The following BEAN1 variants were observed in gnomAD, a reference collection of about 807,000 sequenced individuals.
The protein encoded by BEAN1 is protein BEAN1.
Under a neutral mutation model 17.7 loss-of-function variants are expected in BEAN1, and 17 were observed. The ratio of observed to expected loss-of-function variants is 0.96; its 90% CI spans 0.66 to 1.44. BEAN1 has a LOEUF of 1.44. BEAN1 is among the 40% of genes most tolerant of loss of function. The pLI, the probability that BEAN1 is intolerant of heterozygous loss-of-function variation, is 0.00. For synonymous variants in BEAN1, 142 were observed against 151.8 expected, an observed-to-expected ratio of 0.94 and a Z score of 0.47; for missense variants, 359 against 374.1, an observed-to-expected ratio of 0.96 and a Z score of 0.33.
At chr16:66,487,447 A>C (rs1964104516), downstream of BEAN1, among the ~76,000 whole-genome samples, 1 of 152,132 alleles carries the variant, frequency 6.6e-6, no homozygotes, top group Non-Finnish European at 1.5e-5. Flanking sequence ...AGGAGGGTTT[A>C]TGGGGTAATC....
At chr16:66,484,605 A>T (rs985317761), downstream of BEAN1, 25 of 454,136 alleles carry the variant, frequency 5.5e-5, no homozygotes, top group Admixed American at 5.4e-4. This position sits in a 1 kb window ranked among gnomAD's most constrained non-coding sequence, Gnocchi z 4.2. Context: ...CAGGGGCCCC[A>T]GGGCCAGACC....
At chr16:66,459,474 C>A (rs927540451) in intron 2 of BEAN1, among the ~76,000 whole-genome samples, 1 of 152,162 alleles carries the variant, frequency 6.6e-6, no homozygotes, top group African/African-American at 2.4e-5. Flanking sequence ...CACCTGCCAC[C>A]ATGCAAGGCT....
chr16:66,481,936 G>C lies in BEAN1; in HGVS notation c.*1011G>C, dbSNP rs1377158378. On this transcript the variant is annotated 3_prime_UTR_variant, in exon 5 of 5. Coordinates refer to ENST00000536005, the MANE Select transcript of BEAN1 (RefSeq NM_001178020.3). The surrounding 1 kb of genome is among the most constrained non-coding windows in gnomAD (Gnocchi z 4.1). Reference sequence around the variant, plus strand: ...GTGGCTGCTCATAGCTGGGGATGGTGAGTGGCTGTGTTCTGGCCTTGCCCA... The same window carrying C: ...GTGGCTGCTCATAGCTGGGGATGGTCAGTGGCTGTGTTCTGGCCTTGCCCA... The C allele has an allele frequency of 6.5e-6, 1 of 152,726 alleles. No individual in the cohort carries two copies. Among genetic ancestry groups the C allele is most frequent in the African/African-American group, 2.4e-5 (1 of 41,460 alleles). The allele number at this position is 152,726 out of a possible 1,614,324, so 9.5% of individuals were successfully genotyped here.
At chr16:66,464,342 T>A (rs939948739) in intron 2 of BEAN1, among the ~76,000 whole-genome samples, 1 of 146,816 alleles carries the variant, frequency 6.8e-6, no homozygotes, top group African/African-American at 2.5e-5. Context: ...AAGTTTTGTA[T>A]TTTTTTTTTT....
chr16:66,440,588 C>T (rs570190844), intron 2 of BEAN1, among the ~76,000 whole-genome samples: 4 of 152,352 alleles, frequency 2.6e-5, no homozygotes, highest in Non-Finnish European at 5.9e-5. Context: ...CCTGCACCTG[C>T]CCTGGGATGC....
intron 2 of BEAN1, among the ~76,000 whole-genome samples, chr16:66,469,111 G>A (rs895091134): frequency 6.6e-6 from 1 of 152,152 alleles, no homozygotes; most frequent in African/African-American, 2.4e-5. Flanking sequence ...ACGCATCTGG[G>A]TCAATTTCAG....
intron 4 of BEAN1, among the ~76,000 whole-genome samples, chr16:66,488,113 G>A (rs1246947965): frequency 6.6e-6 from 1 of 152,006 alleles, no homozygotes; most frequent in African/African-American, 2.4e-5. Context: ...AGAGTGGCTG[G>A]CAGTTCACAG....
chr16:66,435,895 AGT>A (rs949894088), intron 1 of BEAN1, among the ~76,000 whole-genome samples: 31 of 152,148 alleles, frequency 2.0e-4, no homozygotes, highest in African/African-American at 7.2e-4. Context: ...AATTCTTGGC[AGT>A]GTTTTGCCTC....
chr16:66,490,173 G>C (rs995351467), intron 4 of BEAN1, among the ~76,000 whole-genome samples: 1 of 141,606 alleles, frequency 7.1e-6, no homozygotes, highest in African/African-American at 2.7e-5. Flanking sequence ...CTCAGGTCAG[G>C]AGTTTGAGAT....
intron 1 of BEAN1, among the ~76,000 whole-genome samples, chr16:66,436,266 C>CTTTTTTT (rs560577711): frequency 2.8e-4 from 34 of 120,602 alleles, no homozygotes; most frequent in South Asian, 5.7e-4. Flanking sequence ...TTTTTCTTTT[C>CTTTTTTT]TTTTTTTTTT....
intron 4 of BEAN1, 23 bp downstream of exon 4, chr16:66,477,733 G>A (rs1201625855): frequency 6.6e-7 from 1 of 1,523,462 alleles, no homozygotes; most frequent in African/African-American, 1.4e-5. Flanking sequence ...CATGGGGAAG[G>A]GGGCATCAGA....
intron 1 of BEAN1, among the ~76,000 whole-genome samples, chr16:66,428,704 G>A (rs1961677091): frequency 6.6e-6 from 1 of 152,170 alleles, no homozygotes; most frequent in Non-Finnish European, 1.5e-5. Context: ...CTGGCACGCA[G>A]CCAGTGGCCA....
At chr16:66,448,380 AG>A (rs1962533410) in intron 2 of BEAN1, among the ~76,000 whole-genome samples, 1 of 152,358 alleles carries the variant, frequency 6.6e-6, no homozygotes, top group East Asian at 1.9e-4. Context: ...GGTACAAATC[AG>A]GGATTCTTTT....
intron 1 of BEAN1, among the ~76,000 whole-genome samples, chr16:66,436,633 T>C (rs1421060213): frequency 6.6e-6 from 1 of 150,870 alleles, no homozygotes; most frequent in Non-Finnish European, 1.5e-5. Context: ...TGGAGTGCAG[T>C]GGTGTGAACA....
chr16:66,476,707 C>T (rs1405663345), intron 3 of BEAN1, among the ~76,000 whole-genome samples: 1 of 152,238 alleles, frequency 6.6e-6, no homozygotes, highest in Admixed American at 6.5e-5. Context: ...AGTCACCGGG[C>T]CTCCCAGAAC....
chr16:66,469,699 C>T lies in BEAN1; in HGVS notation c.123C>T (p.Ala41=), dbSNP rs981965487. ...TGTCCCCCGTGCTGGTGGCGAGTGC[C>T]GTCATAGGTGTGGTCATCATCCTCT... ...LLVSPVLVAS[A]VIGVVIILSC... is the part of the protein sequence containing the mutation. Residue 41 remains alanine (A), a synonymous_variant, in exon 3 of 5, where the codon GCC becomes GCT. Coordinates refer to ENST00000536005, the MANE Select transcript of BEAN1 (RefSeq NM_001178020.3). The T allele has an allele frequency of 1.8e-5, 27 of 1,536,090 alleles. No individual in the cohort carries two copies. In the African/African-American group the frequency reaches 2.6e-4, roughly 15 times the overall value.
intron 2 of BEAN1, among the ~76,000 whole-genome samples, chr16:66,450,633 G>A (rs1256889817): frequency 3.9e-5 from 6 of 152,254 alleles, no homozygotes; most frequent in East Asian, 1.9e-4. Context: ...CAGGAGGATC[G>A]CTTGAGCATA....
At chr16:66,457,942 C>G (rs938573492) in intron 2 of BEAN1, among the ~76,000 whole-genome samples, 3 of 152,278 alleles carry the variant, frequency 2.0e-5, no homozygotes, top group African/African-American at 7.2e-5. Context: ...AGTCGTGTTC[C>G]CTACACTCCT....
At chr16:66,458,348 C>T (rs1381149044) in intron 2 of BEAN1, among the ~76,000 whole-genome samples, 1 of 152,086 alleles carries the variant, frequency 6.6e-6, no homozygotes, top group African/African-American at 2.4e-5. Flanking sequence ...CCCCAGGTTC[C>T]CCACACCGGA....
Sources: allele counts gnomAD v4.1 joint callset (sites outside exome capture counted in the v4.1 genomes callset), GRCh38; gene constraint gnomAD v4.1.1; non-coding constraint Gnocchi (gnomAD v3.1); transcripts MANE v1.5; gene names NCBI Gene and HGNC (gene_info 2026-07-23, HGNC 2026-07-21).